TRAK1: variants seen among roughly 807,000 people sequenced by gnomAD.
TRAK1 encodes trafficking kinesin-binding protein 1.
A neutral mutation model predicts 92.1 loss-of-function variants in TRAK1; 33 were observed. The ratio of observed to expected loss-of-function variants is 0.36; its 90% confidence interval spans 0.27 to 0.48. The LOEUF (loss-of-function observed/expected upper bound fraction) is 0.48. Ranked by LOEUF, TRAK1 falls within the 20% of genes least tolerant of loss-of-function variation. The pLI is 0.99. For synonymous variants in TRAK1, 521 were observed against 517.3 expected, an observed-to-expected ratio of 1.01 and a Z score of -0.10; for missense variants, 1,123 against 1,257.9, an observed-to-expected ratio of 0.89 and a Z score of 1.62.
chr3:42,037,265 T>A (rs1702360077), intron 1 of TRAK1, among the ~76,000 whole-genome samples: 2 of 152,228 alleles, frequency 1.3e-5, no homozygotes, highest in Admixed American at 6.5e-5. Flanking sequence ...TCATCATCAT[T>A]CTTTTATTGG....
intron 1 of TRAK1, among the ~76,000 whole-genome samples, chr3:42,105,707 C>T (rs1707441782): frequency 6.6e-6 from 1 of 152,086 alleles, no homozygotes; most frequent in Non-Finnish European, 1.5e-5. Context: ...AACCCCAAGA[C>T]ACATAATTGT....
intron 1 of TRAK1, among the ~76,000 whole-genome samples, chr3:42,109,639 G>A (rs1708064289): frequency 6.6e-6 from 1 of 152,154 alleles, no homozygotes; most frequent in South Asian, 2.1e-4. Flanking sequence ...AACATTGTGT[G>A]TGTTCATGCA....
At chr3:42,163,071 G>T (rs1347219292) in intron 2 of TRAK1, among the ~76,000 whole-genome samples, 1 of 152,156 alleles carries the variant, frequency 6.6e-6, no homozygotes, top group African/African-American at 2.4e-5. Context: ...TAAAACATTC[G>T]AGGTCAAATA....
chr3:42,140,629 A>C (rs1189743716), intron 2 of TRAK1, among the ~76,000 whole-genome samples: 2 of 152,240 alleles, frequency 1.3e-5, no homozygotes, highest in African/African-American at 4.8e-5. Context: ...TCCATCTCTG[A>C]ATAAATGAAT....
At chr3:42,142,631 A>C (rs985658409) in intron 2 of TRAK1, among the ~76,000 whole-genome samples, 4 of 152,204 alleles carry the variant, frequency 2.6e-5, no homozygotes, top group Non-Finnish European at 5.9e-5. Context: ...ACTGTTTTAT[A>C]AAAGGTATTA....
intron 2 of TRAK1, among the ~76,000 whole-genome samples, chr3:42,129,432 C>A (rs1020527939): frequency 1.3e-5 from 2 of 152,058 alleles, no homozygotes; most frequent in Non-Finnish European, 2.9e-5. Context: ...ACATCCTCCC[C>A]CTGAGTGGAG....
intron 1 of TRAK1, among the ~76,000 whole-genome samples, chr3:42,025,525 A>G (rs1054018457): frequency 6.6e-6 from 1 of 152,162 alleles, no homozygotes; most frequent in Non-Finnish European, 1.5e-5. Flanking sequence ...CTTTCATGTT[A>G]AGAATGTGTC....
intron 2 of TRAK1, chr3:42,160,574 T>C: frequency 7.4e-7 from 1 of 1,344,406 alleles, no homozygotes; most frequent in South Asian, 1.5e-5. Context: ...TTTTTGTTTT[T>C]TTTTAAGTTG....
At position 42,188,249 on chromosome 3, in the gene TRAK1, G is replaced by A. The variant is rs74937074; in HGVS notation, c.581+104G>A. Reference sequence around the variant, plus strand: ...AGGGTCACCTTCAGCAGCAATGGAGGTCAGCTGCTCTCAGCCTTCTCTGGA... The same window carrying A: ...AGGGTCACCTTCAGCAGCAATGGAGATCAGCTGCTCTCAGCCTTCTCTGGA... On this transcript the variant is annotated intron_variant, in intron 5 of 15. Coordinates refer to ENST00000327628, the MANE Select transcript of TRAK1 (RefSeq NM_001042646.3). 19 of 1,030,970 alleles carry A rather than the reference G, an allele frequency of 1.8e-5. No individual in the cohort carries two copies. In the African/African-American group the frequency reaches 2.8e-4, roughly 15 times the overall value. 63.9% of individuals were successfully genotyped at this position (1,030,970 alleles called of 1,614,324 possible).
chr3:42,219,530 C>T lies in TRAK1; in HGVS notation c.2000C>T (p.Ser667Phe), dbSNP rs1453801951. ...HPGKCMSQTN[S>F]TFTFTTCRIL... ...GGGAAGTGCATGTCTCAGACCAACT[C>T]CACCTTCACCTTCACCACCTGTCGC... Residue 667 changes from serine to phenylalanine, a missense_variant, in exon 15 of 16, where the codon TCC (serine) becomes TTC (phenylalanine). Around this residue, in one of 3 missense-constraint regions of TRAK1, gnomAD observed 401 missense variants for 438.9 expected, o/e 0.91. Transcript: ENST00000327628. 1 of 1,613,956 alleles carries T rather than the reference C, an allele frequency of 6.2e-7. No homozygotes were observed. Among genetic ancestry groups the T allele is most frequent in the Non-Finnish European group, 8.5e-7 (1 of 1,179,994 alleles).
At chr3:42,199,853 T>C (rs1707273548) in intron 11 of TRAK1, among the ~76,000 whole-genome samples, 1 of 152,248 alleles carries the variant, frequency 6.6e-6, no homozygotes, top group Non-Finnish European at 1.5e-5. Flanking sequence ...CCATCTCTCT[T>C]AACACAAGCT....
chr3:42,175,999 G>A (rs3856734), intron 2 of TRAK1, among the ~76,000 whole-genome samples: 83,169 of 151,994 alleles, frequency 0.55, 23,784 homozygotes, highest in East Asian at 0.95. Flanking sequence ...TTTGTTGAGC[G>A]GCGAATCAGT....
At chr3:42,147,775 C>A (rs1200174143) in intron 2 of TRAK1, among the ~76,000 whole-genome samples, 1 of 152,160 alleles carries the variant, frequency 6.6e-6, no homozygotes, top group Non-Finnish European at 1.5e-5. Flanking sequence ...GCAAGCAAGG[C>A]CCAATGATAA....
At chr3:42,125,379 G>A (rs376961134) in intron 1 of TRAK1, 41 bp from the exon 2 acceptor site, 3 of 1,593,104 alleles carry the variant, frequency 1.9e-6, no homozygotes, top group Non-Finnish European at 2.6e-6. Flanking sequence ...CAAGGCCATA[G>A]CCATTTCTGG....
At chr3:42,023,929 A>G (rs1188898106) in intron 1 of TRAK1, among the ~76,000 whole-genome samples, 1 of 151,366 alleles carries the variant, frequency 6.6e-6, no homozygotes. Flanking sequence ...TAATTTTTAT[A>G]TTTTTAGTAG....
At chr3:42,198,788 T>C (rs1385961584) in intron 10 of TRAK1, among the ~76,000 whole-genome samples, 1 of 152,006 alleles carries the variant, frequency 6.6e-6, no homozygotes, top group Non-Finnish European at 1.5e-5. Context: ...CACTGTAAGC[T>C]CAGAGGTATT....
chr3:42,223,521 A>G lies in TRAK1; in HGVS notation c.2646A>G (p.Pro882=). 6.2e-7 allele frequency: 1 copy of G among 1,613,774 alleles called. No individual in the cohort carries two copies. Among genetic ancestry groups the G allele is most frequent in the African/African-American group, 1.3e-5 (1 of 75,056 alleles). The change falls in exon 16 of 16, where the codon CCA becomes CCG. Residue 882 remains proline, a synonymous_variant. Coordinates refer to ENST00000327628, the MANE Select transcript of TRAK1 (RefSeq NM_001042646.3). This position sits in a 1 kb window ranked among gnomAD's most constrained non-coding sequence, Gnocchi z 6.1. ...PLLCGPPGPA[P]ALVPRGLVPE... Reference sequence around the variant, plus strand: ...TCTGTGGGCCCCCGGGGCCAGCACCAGCCCTTGTTCCCAGAGGCCTGGTAC... The same window carrying G: ...TCTGTGGGCCCCCGGGGCCAGCACCGGCCCTTGTTCCCAGAGGCCTGGTAC...
chr3:42,112,377 G>C (rs564825052), intron 1 of TRAK1, among the ~76,000 whole-genome samples: 1 of 146,000 alleles, frequency 6.8e-6, no homozygotes, highest in Non-Finnish European at 1.5e-5. Flanking sequence ...GCAGTGAGCC[G>C]AGATTGCACC....
Position 42,030,944 on chromosome 3 carries a change from A to G in TRAK1, c.-519+16827A>G, listed in dbSNP as rs191439823. Among the ~76,000 whole-genome samples the G allele has an allele frequency of 1.7e-3, 252 of 152,002 alleles. 1 individual carries two copies. The highest frequency in any genetic ancestry group is 5.9e-3 in the African/African-American group (246 of 41,438). On this transcript the variant is annotated intron_variant, in intron 1 of 16. Transcript: ENST00000487159. ...CAAACTTCATCCCAAATCATTGAGC[A>G]TGGTGTAACGATTGAACAGAGTACA...
Sources: gnomAD v4.1 joint callset for allele counts (sites outside exome capture counted in the v4.1 genomes callset) on GRCh38, gnomAD v4.1.1 for gene constraint, gnomAD v4.1.1 regional missense constraint, Gnocchi (gnomAD v3.1) non-coding constraint, MANE v1.5 for transcripts, NCBI Gene and HGNC (gene_info 2026-07-23, HGNC 2026-07-21) for gene names.